The following RAB38 variants were observed in gnomAD, a reference collection of about 807,000 sequenced individuals.
RAB38 encodes the protein ras-related protein Rab-38.
A neutral mutation model predicts 18.4 loss-of-function variants in RAB38; 15 were observed. The observed-to-expected ratio is 0.82, with a 90% CI of 0.55 to 1.26. The LOEUF is 1.26. Ranked by LOEUF, RAB38 falls within the 50% of genes most tolerant of loss-of-function variation. The pLI is 0.00. For missense variants in RAB38, 294 were observed against 267.4 expected (o/e 1.10, Z -0.69); for synonymous variants, 101 against 104.4 (o/e 0.97, Z 0.20).
the RAB38 span, chr11:88,062,062 G>A: frequency 6.6e-6 from 1 of 151,826 alleles, no homozygotes; most frequent in Admixed American, 6.6e-5. Context: ...AATAAATGAA[G>A]AAAAGGAAAG....
chr11:88,012,411 G>C, the RAB38 span, among the ~76,000 whole-genome samples: 4 of 152,142 alleles, frequency 2.6e-5, no homozygotes, highest in African/African-American at 4.8e-5. Flanking sequence ...GTAACGGGGA[G>C]GAAGACGGTG....
At chr11:87,854,841 C>G in the RAB38 span, among the ~76,000 whole-genome samples, 150 of 152,244 alleles carry the variant, frequency 9.9e-4, no homozygotes, top group African/African-American at 3.5e-3. Flanking sequence ...GTGGCCCAGG[C>G]TGGAGTGCAG....
At chr11:87,869,576 T>C in the RAB38 span, among the ~76,000 whole-genome samples, 1 of 142,196 alleles carries the variant, frequency 7.0e-6, no homozygotes, top group Admixed American at 8.6e-5. Context: ...TGGAGTGCTA[T>C]TGTTGAAAAA....
At chr11:87,906,051 C>A in the RAB38 span, among the ~76,000 whole-genome samples, 1 of 151,924 alleles carries the variant, frequency 6.6e-6, no homozygotes, top group Non-Finnish European at 1.5e-5. Context: ...ATTTGTTATC[C>A]TTATCTTGGG....
the RAB38 span, among the ~76,000 whole-genome samples, chr11:88,034,176 T>G: frequency 6.6e-6 from 1 of 152,262 alleles, no homozygotes; most frequent in African/African-American, 2.4e-5. Context: ...ATTCGCTTTT[T>G]TTCACTCAGT....
At chr11:88,004,058 T>G in the RAB38 span, among the ~76,000 whole-genome samples, 2 of 142,842 alleles carry the variant, frequency 1.4e-5, no homozygotes, top group South Asian at 2.2e-4. Context: ...AAGGTATATA[T>G]ATACCTTCTC....
At chr11:88,006,994 T>G in the RAB38 span, among the ~76,000 whole-genome samples, 1 of 151,898 alleles carries the variant, frequency 6.6e-6, no homozygotes, top group African/African-American at 2.4e-5. Context: ...TTTTTGAATC[T>G]CACAAAGAAA....
chr11:87,873,171 G>A, the RAB38 span, among the ~76,000 whole-genome samples: 1 of 151,504 alleles, frequency 6.6e-6, no homozygotes, highest in African/African-American at 2.4e-5. Context: ...TCTCATGGTT[G>A]TGTCAATTTG....
At chr11:87,894,372 A>G in the RAB38 span, among the ~76,000 whole-genome samples, 2 of 151,732 alleles carry the variant, frequency 1.3e-5, no homozygotes, top group Non-Finnish European at 3.0e-5. Flanking sequence ...TATTTACTAT[A>G]GTAGCCTTTT....
At chr11:87,936,202 A>G in the RAB38 span, among the ~76,000 whole-genome samples, 455 of 152,130 alleles carry the variant, frequency 3.0e-3, 1 homozygote, top group African/African-American at 0.01. Flanking sequence ...TGTCAAGTCT[A>G]TAAACTCTTT....
the RAB38 span, among the ~76,000 whole-genome samples, chr11:87,966,078 T>G: frequency 6.6e-6 from 1 of 151,770 alleles, no homozygotes; most frequent in African/African-American, 2.4e-5. Context: ...AAGTTTTAGG[T>G]CTCAGGTTCA....
chr11:88,095,738 A>C, the RAB38 span, among the ~76,000 whole-genome samples: 1 of 151,768 alleles, frequency 6.6e-6, no homozygotes, highest in Non-Finnish European at 1.5e-5. Flanking sequence ...TGGTATCTCA[A>C]ATTTAACAAG....
At chr11:88,012,671 G>A in the RAB38 span, among the ~76,000 whole-genome samples, 6 of 152,072 alleles carry the variant, frequency 3.9e-5, 1 homozygote, top group Admixed American at 3.9e-4. Context: ...CAACCAACCA[G>A]GTAGGACAGC....
the RAB38 span, among the ~76,000 whole-genome samples, chr11:88,025,786 G>A: frequency 1.3e-5 from 2 of 152,208 alleles, no homozygotes; most frequent in South Asian, 2.1e-4. Flanking sequence ...TTTGTCAGAT[G>A]CATAGTTTAC....
chr11:88,103,560 A>G, the RAB38 span, among the ~76,000 whole-genome samples: 1 of 152,128 alleles, frequency 6.6e-6, no homozygotes, highest in East Asian at 1.9e-4. Flanking sequence ...GTAGCTTTAT[A>G]GAGTCACCTG....
At chr11:87,911,820 T>G in the RAB38 span, among the ~76,000 whole-genome samples, 1 of 152,028 alleles carries the variant, frequency 6.6e-6, no homozygotes, top group Non-Finnish European at 1.5e-5. Flanking sequence ...AGCATTCAGT[T>G]TCATTAATAA....
chr11:87,884,761 A>G, the RAB38 span, among the ~76,000 whole-genome samples: 1 of 151,890 alleles, frequency 6.6e-6, no homozygotes, highest in African/African-American at 2.4e-5. Flanking sequence ...AATTCCCACA[A>G]CTAAGGCCCT....
At chr11:87,825,533 AC>A in the RAB38 span, among the ~76,000 whole-genome samples, 1 of 152,070 alleles carries the variant, frequency 6.6e-6, no homozygotes, top group African/African-American at 2.4e-5. Flanking sequence ...TTGGAAGGAA[AC>A]CAGTGCAGTT....
At chr11:87,900,714 GA>G in the RAB38 span, among the ~76,000 whole-genome samples, 1 of 143,408 alleles carries the variant, frequency 7.0e-6, no homozygotes, top group Non-Finnish European at 1.5e-5. Flanking sequence ...GAAAAAGGAA[GA>G]GAGGTAGGGA....
Sources: gnomAD v4.1 joint callset for allele counts (sites outside exome capture counted in the v4.1 genomes callset) on GRCh38, gnomAD v4.1.1 for gene constraint, MANE v1.5 for transcripts, NCBI Gene and HGNC (gene_info 2026-07-23, HGNC 2026-07-21) for gene names.